Variants in PLEKHD1 observed in about 807,000 individuals in gnomAD.
PLEKHD1 encodes pleckstrin homology domain-containing family D member 1.
A neutral mutation model predicts 69.2 loss-of-function variants in PLEKHD1; 51 were observed. The ratio of observed to expected loss-of-function variants is 0.74; its 90% confidence interval spans 0.59 to 0.93. PLEKHD1 has a LOEUF of 0.93. Ranked by LOEUF, PLEKHD1 falls within the 40% of genes least tolerant of loss-of-function variation. The pLI is 0.00. For missense variants in PLEKHD1, 584 were observed against 641.0 expected, an observed-to-expected ratio of 0.91 and a Z score of 0.96; for synonymous variants, 236 against 244.7, an observed-to-expected ratio of 0.96 and a Z score of 0.33.
intron 4 of PLEKHD1, chr14:69,501,351 T>A: frequency 3.0e-6 from 1 of 334,948 alleles, no homozygotes. Flanking sequence ...TCCTGACACC[T>A]GCCTAGTCAG....
chr14:69,484,447 G>T (rs1234630508), upstream of PLEKHD1, among the ~76,000 whole-genome samples: 1 of 152,192 alleles, frequency 6.6e-6, no homozygotes, highest in Non-Finnish European at 1.5e-5. Context: ...TGCTCGCCGA[G>T]AGGGACCCCG....
chr14:69,486,763 C>G (rs1383998457), intron 1 of PLEKHD1, among the ~76,000 whole-genome samples: 1 of 152,196 alleles, frequency 6.6e-6, no homozygotes, highest in African/African-American at 2.4e-5. Context: ...TGGTCCTCCC[C>G]TTCACCACTG....
At chr14:69,525,105 T>C (rs1883612965) in intron 8 of PLEKHD1, among the ~76,000 whole-genome samples, 1 of 152,212 alleles carries the variant, frequency 6.6e-6, no homozygotes, top group Admixed American at 6.5e-5. Context: ...GTATCTACTC[T>C]GAGCTCTTGG....
At chr14:69,519,897 C>T (rs1448811179) in intron 6 of PLEKHD1, among the ~76,000 whole-genome samples, 1 of 152,090 alleles carries the variant, frequency 6.6e-6, no homozygotes, top group Admixed American at 6.5e-5. Context: ...CACGGTGGCT[C>T]ACGCCTATAA....
intron 6 of PLEKHD1, among the ~76,000 whole-genome samples, chr14:69,515,123 G>T (rs757155563): frequency 2.6e-5 from 4 of 152,102 alleles, no homozygotes; most frequent in Non-Finnish European, 5.9e-5. Context: ...ACTTGAACCC[G>T]GGAGGCAGAG....
chr14:69,528,143 G>A, intron 12 of PLEKHD1, 107 bp from the exon 13 acceptor site: 1 of 1,443,664 alleles, frequency 6.9e-7, no homozygotes. Flanking sequence ...GCTGGAAGAA[G>A]CTTGGCACAC....
intron 1 of PLEKHD1, among the ~76,000 whole-genome samples, chr14:69,487,150 A>G (rs930466885): frequency 1.3e-5 from 2 of 151,228 alleles, no homozygotes; most frequent in South Asian, 4.2e-4. Context: ...TGCCCATTCT[A>G]GGCCTCTGTG....
intron 9 of PLEKHD1, among the ~76,000 whole-genome samples, 194 bp from the exon 10 acceptor site, chr14:69,526,503 C>T (rs1224646861): frequency 6.6e-6 from 1 of 152,128 alleles, no homozygotes; most frequent in Non-Finnish European, 1.5e-5. Context: ...TCTTCTGACT[C>T]TAAACCTAGG....
At chr14:69,487,182 AACACACACACACAC>A (rs199671230) in intron 1 of PLEKHD1, among the ~76,000 whole-genome samples, 27 of 140,448 alleles carry the variant, frequency 1.9e-4, no homozygotes, top group South Asian at 1.2e-3. Context: ...GGGAATACAC[AACACACACACACAC>A]ACACACACAC....
At chr14:69,481,294 G>T (rs914534140), upstream of PLEKHD1, among the ~76,000 whole-genome samples, 1 of 152,186 alleles carries the variant, frequency 6.6e-6, no homozygotes, top group African/African-American at 2.4e-5. Context: ...CTGTACTCCA[G>T]CCTGGGTCAG....
chr14:69,495,640 T>C lies in PLEKHD1; in HGVS notation c.150-4475T>C, dbSNP rs138249985. On this transcript the variant is annotated intron_variant, in intron 1 of 12. Coordinates refer to ENST00000322564, the MANE Select transcript of PLEKHD1 (RefSeq NM_001161498.2). ...ATCATTATTGTCATTACCATGGCCA[T>C]AGAGCCCTATGCAATCTGGCCCAAC... Among the ~76,000 whole-genome samples the C allele has an allele frequency of 2.0e-3, 300 of 152,358 alleles. 2 individuals are homozygous for C. Among genetic ancestry groups the C allele is most frequent in the African/African-American group, 4.2e-3 (174 of 41,590 alleles).
chr14:69,481,744 G>A (rs985057379), upstream of PLEKHD1, among the ~76,000 whole-genome samples: 1 of 152,186 alleles, frequency 6.6e-6, no homozygotes. Flanking sequence ...TAAATGAAAT[G>A]TGTCTGTTGT....
rs1883064951 is a variant in PLEKHD1 at position 69,503,005 on chromosome 14, G to A, written c.555+126G>A. On this transcript the variant is annotated intron_variant, in intron 6 of 12. Transcript: ENST00000322564. ...TAGAAGATCAGATGGGGCAGGGCGG[G>A]GAGGCCAAATGGGATCACAGTGCTT... 8 of 1,166,100 alleles carry A rather than the reference G, an allele frequency of 6.9e-6. 1 individual carries two copies. The South Asian group carries it at 8.3e-5, about 12-fold the overall frequency. 72.2% of individuals were successfully genotyped at this position (1,166,100 alleles called of 1,614,324 possible).
intron 6 of PLEKHD1, among the ~76,000 whole-genome samples, chr14:69,513,550 G>T (rs958375661): frequency 6.6e-6 from 1 of 152,170 alleles, no homozygotes; most frequent in East Asian, 1.9e-4. Flanking sequence ...ATTGTTACAG[G>T]TGCATACTAT....
chr14:69,518,542 A>T (rs1883437808), intron 6 of PLEKHD1, among the ~76,000 whole-genome samples: 1 of 152,238 alleles, frequency 6.6e-6, no homozygotes. Context: ...GAGCTCGTAA[A>T]TTAATTTGAA....
intron 6 of PLEKHD1, among the ~76,000 whole-genome samples, chr14:69,515,401 G>A (rs550552777): frequency 1.3e-5 from 2 of 151,932 alleles, no homozygotes; most frequent in Admixed American, 6.6e-5. Flanking sequence ...TTGCAGTTCA[G>A]GTTTTCCTAC....
Position 69,524,244 on chromosome 14 carries a change from T to G in PLEKHD1, c.666T>G (p.Thr222=). 1 of 1,551,542 alleles carries G rather than the reference T, an allele frequency of 6.4e-7. No individual in the cohort carries two copies. The highest frequency in any genetic ancestry group is 8.7e-7 in the Non-Finnish European group (1 of 1,146,908). The change falls in exon 8 of 13, where the codon ACT becomes ACG. Residue 222 remains threonine (T), a synonymous_variant. Transcript: ENST00000322564. The stretch of plus-strand genomic sequence containing the variant: ...GTCTCCACAGGGAGCTGGAACTGAC[T>G]GCAAGATGCCTTAAGGGTGTAGAAC... ...QEQIKRELEL[T]ARCLKGVEQE... is the part of the protein sequence containing the mutation.
At chr14:69,501,709 T>C (rs1253287921) in intron 4 of PLEKHD1, 25 bp from the exon 5 acceptor site, 1 of 1,509,890 alleles carries the variant, frequency 6.6e-7, no homozygotes. Flanking sequence ...TTCTCTCCTC[T>C]GTCCCATCTG....
intron 12 of PLEKHD1, 32 bp downstream of exon 12, chr14:69,527,964 A>T (rs753269924): frequency 6.4e-5 from 100 of 1,550,520 alleles, no homozygotes; most frequent in Non-Finnish European, 8.2e-5. Flanking sequence ...CCCTGGTGGG[A>T]TGGTGACAAG....
Sources: allele counts gnomAD v4.1 joint callset (sites outside exome capture counted in the v4.1 genomes callset), GRCh38; gene constraint gnomAD v4.1.1; transcripts MANE v1.5; gene names NCBI Gene and HGNC (gene_info 2026-07-23, HGNC 2026-07-21).